Variants in USP34 observed in about 807,000 individuals in gnomAD.
The protein encoded by USP34 is ubiquitin carboxyl-terminal hydrolase 34.
A neutral mutation model predicts 460.3 loss-of-function variants in USP34; 70 were observed. The observed-to-expected ratio is 0.15, with a 90% CI of 0.13 to 0.19. USP34 has a LOEUF of 0.19. Ranked by LOEUF, USP34 falls within the 10% of genes least tolerant of loss-of-function variation. The pLI, the probability that USP34 is intolerant of heterozygous loss-of-function variation, is 1.00. For missense variants in USP34, 3,985 were observed against 4,236.2 expected (o/e 0.94, Z 1.65); for synonymous variants, 1,647 against 1,405.3 (o/e 1.17, Z -3.85).
chr2:61,407,645 G>C (rs1573011271), intron 2 of USP34, among the ~76,000 whole-genome samples: 1 of 152,128 alleles, frequency 6.6e-6, no homozygotes, highest in African/African-American at 2.4e-5. Context: ...CTAGTGAATA[G>C]AAAGTGGTGG....
At chr2:61,215,465 GT>G (rs918596819) in intron 67 of USP34, among the ~76,000 whole-genome samples, 1 of 152,216 alleles carries the variant, frequency 6.6e-6, no homozygotes, top group African/African-American at 2.4e-5. Flanking sequence ...AGAACTTGGT[GT>G]TAAACTTATT....
At chr2:61,380,704 C>G (rs1034108430) in intron 6 of USP34, among the ~76,000 whole-genome samples, 6 of 152,206 alleles carry the variant, frequency 3.9e-5, no homozygotes, top group African/African-American at 1.4e-4. Context: ...TGCCATGTAA[C>G]TTGCTTTGGC....
At chr2:61,456,482 C>A (rs907318813) in intron 1 of USP34, among the ~76,000 whole-genome samples, 2 of 152,144 alleles carry the variant, frequency 1.3e-5, no homozygotes, top group Non-Finnish European at 2.9e-5. Context: ...AGTTTAAGTA[C>A]GTGATGTCCA....
Position 61,257,426 on chromosome 2 carries a change from C to A in USP34, c.5845-76G>T, listed in dbSNP as rs558397640. 4.1e-6 allele frequency: 5 copies of A among 1,214,224 alleles called. No individual in the cohort carries two copies. In the East Asian group the frequency reaches 1.3e-4, roughly 32 times the overall value. The allele number at this position is 1,214,224 out of a possible 1,614,324, so 75.2% of individuals were successfully genotyped here. On this transcript the variant is annotated intron_variant, in intron 44 of 79. Coordinates refer to ENST00000398571, the MANE Select transcript of USP34 (RefSeq NM_014709.4). The stretch of plus-strand genomic sequence containing the variant: ...TATAGGTTCTTCAATGAACATATAA[C>A]AAAAACAAAAGAACAGGTAGTAAAT...
At chr2:61,263,195 T>TTC (rs1192435656) in intron 43 of USP34, among the ~76,000 whole-genome samples, 39 of 130,624 alleles carry the variant, frequency 3.0e-4, no homozygotes, top group African/African-American at 1.0e-3. Context: ...TTTTTTTTTT[T>TTC]TTTGAGAGAA....
chr2:61,378,340 T>C (rs1414423344), intron 8 of USP34, 23 bp downstream of exon 8: 1 of 1,508,114 alleles, frequency 6.6e-7, no homozygotes, highest in South Asian at 1.2e-5. Flanking sequence ...TATACTTATA[T>C]ATAAATTAAT....
At chr2:61,396,491 ATT>A (rs5831608) in intron 3 of USP34, among the ~76,000 whole-genome samples, 647 of 145,322 alleles carry the variant, frequency 4.5e-3, no homozygotes, top group Admixed American at 8.8e-3. Flanking sequence ...ATTCCAGCTA[ATT>A]TTTTTTTTTT....
In USP34 at chr2:61,256,405, T is replaced by G. The variant is rs781386882; in HGVS notation, c.6200A>C (p.Lys2067Thr). The G allele has an allele frequency of 4.9e-5, 79 of 1,612,364 alleles. No homozygotes were observed. Among genetic ancestry groups the G allele is most frequent in the Non-Finnish European group, 6.3e-5 (74 of 1,179,280 alleles). ...DNMYTCSHCG[K>T]KVRAEKRACF... is the part of the protein sequence containing the mutation. Reference sequence around the variant, plus strand: ...ATACCTTTTTTCAGCTCGTACTTTCTTCCCACAATGAGAACAAGTATACAT... The same window carrying G: ...ATACCTTTTTTCAGCTCGTACTTTCGTCCCACAATGAGAACAAGTATACAT... The change falls in exon 48 of 80, where the codon AAG becomes ACG. Residue 2067 changes from lysine to threonine, a missense_variant. Lys to Thr is a moderately conservative substitution (Grantham distance 78). This residue lies in a region of USP34 where 145 missense variants were observed against 291.6 expected (regional missense o/e 0.50). Transcript: ENST00000398571.
At chr2:61,399,044 A>G (rs1360324017) in intron 3 of USP34, among the ~76,000 whole-genome samples, 1 of 152,186 alleles carries the variant, frequency 6.6e-6, no homozygotes, top group East Asian at 1.9e-4. Flanking sequence ...TCTAGTGCCT[A>G]ACATGGGCAC....
intron 75 of USP34, among the ~76,000 whole-genome samples, chr2:61,196,247 AT>A (rs1232973598): frequency 4.8e-3 from 658 of 136,070 alleles, no homozygotes; most frequent in Non-Finnish European, 5.8e-3. Flanking sequence ...TGCCTGGCTA[AT>A]TTTTTTTTTT....
chr2:61,221,795 C>T, intron 65 of USP34, 189 bp from the exon 66 acceptor site: 1 of 446,854 alleles, frequency 2.2e-6, no homozygotes, highest in Non-Finnish European at 3.9e-6. Context: ...ACAAAGTCAA[C>T]CGGGAACCAC....
rs1691525280 is a variant in USP34 at position 61,339,659 on chromosome 2, T to C, written c.2523A>G (p.Gln841=). 1.3e-6 allele frequency: 2 copies of C among 1,535,924 alleles called. No homozygotes were observed. The highest frequency in any genetic ancestry group is 2.3e-5 in the East Asian group (1 of 42,694). ...LSQGPVVHKH[Q]FNSNAVTDIN... is the part of the protein sequence containing the mutation. Reference sequence around the variant, plus strand: ...TGTCTGTAACAGCATTACTGTTGAATTGATGTTTATGAACTACAGGTCCTG... The same window carrying C: ...TGTCTGTAACAGCATTACTGTTGAACTGATGTTTATGAACTACAGGTCCTG... Residue 841 remains glutamine (Q), a synonymous_variant, in exon 17 of 80, where the codon CAA becomes CAG. Coordinates refer to ENST00000398571, the MANE Select transcript of USP34 (RefSeq NM_014709.4).
chr2:61,411,395 GAAAA>G (rs1266431292), intron 2 of USP34, among the ~76,000 whole-genome samples: 1 of 141,944 alleles, frequency 7.0e-6, no homozygotes, highest in African/African-American at 2.6e-5. Context: ...AAAAAAAAAA[GAAAA>G]AAAAACTGAA....
intron 67 of USP34, among the ~76,000 whole-genome samples, chr2:61,219,297 G>A (rs1687490882): frequency 6.6e-6 from 1 of 152,166 alleles, no homozygotes; most frequent in African/African-American, 2.4e-5. Context: ...CACACATCTT[G>A]TATATTCCCT....
At chr2:61,369,995 A>AC (rs796205813) in intron 10 of USP34, among the ~76,000 whole-genome samples, 4 of 151,578 alleles carry the variant, frequency 2.6e-5, no homozygotes, top group African/African-American at 9.7e-5. Flanking sequence ...AAAAAAAAAA[A>AC]AAAAAAACAG....
chr2:61,409,210 A>G (rs1693968520), intron 2 of USP34, among the ~76,000 whole-genome samples: 1 of 151,962 alleles, frequency 6.6e-6, no homozygotes, highest in African/African-American at 2.4e-5. Flanking sequence ...ATAGAGGGAG[A>G]CTGTCTCAAA....
At chr2:61,330,645 C>T (rs1052738643) in intron 20 of USP34, among the ~76,000 whole-genome samples, 3 of 152,210 alleles carry the variant, frequency 2.0e-5, no homozygotes, top group African/African-American at 4.8e-5. Flanking sequence ...ACATGGACAT[C>T]GGTCCATAAC....
At position 61,301,163 on chromosome 2, in the gene USP34, A is replaced by AC; in HGVS notation, c.3919-4_3919-3insG. The stretch of plus-strand genomic sequence containing the variant: ...GCACCCAAAGATACAAATACCATCT[A>AC]TAAAAAACAGGAAAAAAAATTTATG... On this transcript the variant is annotated splice_polypyrimidine_tract_variant and splice_region_variant and intron_variant, in intron 28 of 79. Coordinates refer to ENST00000398571, the MANE Select transcript of USP34 (RefSeq NM_014709.4). 6.4e-7 allele frequency: 1 copy of AC among 1,557,004 alleles called. No individual in the cohort carries two copies. Among genetic ancestry groups the AC allele is most frequent in the South Asian group, 1.2e-5 (1 of 84,102 alleles).
intron 1 of USP34, among the ~76,000 whole-genome samples, chr2:61,421,468 A>G (rs141591617): frequency 5.7e-4 from 87 of 152,308 alleles, no homozygotes; most frequent in African/African-American, 2.0e-3. Flanking sequence ...TTATAATTCC[A>G]TCATTTTAAT....
Sources: gnomAD v4.1 joint callset for allele counts (sites outside exome capture counted in the v4.1 genomes callset) on GRCh38, gnomAD v4.1.1 for gene constraint, gnomAD v4.1.1 regional missense constraint, MANE v1.5 for transcripts, NCBI Gene and HGNC (gene_info 2026-07-23, HGNC 2026-07-21) for gene names.